Variants in RBBP8 observed in about 807,000 individuals in gnomAD.
RBBP8 encodes RB binding protein 8, endonuclease, also known as DNA endonuclease RBBP8.
RBBP8 carries 88 observed loss-of-function variants against 108.3 expected under a neutral mutation model. The ratio of observed to expected loss-of-function variants is 0.81; its 90% CI spans 0.68 to 0.97. The LOEUF is 0.97. Among genes scored for constraint, RBBP8 ranks in the 50% least tolerant of loss-of-function variants. The pLI, the probability that RBBP8 is intolerant of heterozygous loss-of-function variation, is 0.00. For synonymous variants in RBBP8, 332 were observed against 348.2 expected (o/e 0.95, Z 0.52); for missense variants, 1,023 against 1,049.0 (o/e 0.98, Z 0.34).
intron 12 of RBBP8, among the ~76,000 whole-genome samples, chr18:22,996,045 C>CT (rs1330415529): frequency 8.5e-5 from 13 of 152,188 alleles, no homozygotes; most frequent in African/African-American, 2.7e-4. Context: ...CTCACTAGCA[C>CT]TTGTTATAGC....
chr18:22,967,880 C>G (rs1207224885), intron 4 of RBBP8, among the ~76,000 whole-genome samples: 1 of 152,040 alleles, frequency 6.6e-6, no homozygotes. Flanking sequence ...ATCTCCTGAC[C>G]TTGTGTTCCG....
At position 22,977,910 on chromosome 18, in the gene RBBP8, CTGTGGCATTAAATATCCTCTGTTCATTCA is replaced by C. The variant is rs1292093555; in HGVS notation, c.428+2702_428+2730del. The C allele has an allele frequency of 4.6e-5, 7 of 152,136 alleles. No individual in the cohort carries two copies. The East Asian group carries it at 1.3e-3, about 29-fold the overall frequency. The allele number at this position is 152,136 out of a possible 1,614,324, so 9.4% of individuals were successfully genotyped here. A position where few individuals can be genotyped will look rare whatever the true frequency, so the allele number is the denominator to read the frequency against. On this transcript the variant is annotated intron_variant, in intron 6 of 18. Coordinates refer to ENST00000327155, the MANE Select transcript of RBBP8 (RefSeq NM_002894.3). The stretch of plus-strand genomic sequence containing the variant: ...AGAGTAAATATCCTCTGTTCATTAA[CTGTGGCATTAAATATCCTCTGTTCATTCA>C]TGTGGCATTACTTCAACTCTTCAAA...
chr18:22,925,985 G>T (rs1170717121), intron 3 of RBBP8, among the ~76,000 whole-genome samples: 1 of 152,108 alleles, frequency 6.6e-6, no homozygotes, highest in Admixed American at 6.6e-5. Context: ...AAGTGCCAGG[G>T]TTAGAAAAAA....
chr18:22,940,354 T>C (rs1185904917), intron 2 of RBBP8, among the ~76,000 whole-genome samples: 2 of 150,756 alleles, frequency 1.3e-5, no homozygotes, highest in African/African-American at 4.9e-5. Context: ...AGAGTCTTGC[T>C]CTGTAGCCCA....
At chr18:23,003,282 A>G (rs1036839304) in intron 15 of RBBP8, among the ~76,000 whole-genome samples, 11 of 152,312 alleles carry the variant, frequency 7.2e-5, no homozygotes, top group Admixed American at 2.0e-4. Context: ...CGTAATGTCT[A>G]AGCCAATTTC....
rs143772917 is a variant in RBBP8, at chr18:22,977,414, A to C, written c.428+2195A>C. On this transcript the variant is annotated intron_variant, in intron 6 of 18. Coordinates refer to ENST00000327155, the MANE Select transcript of RBBP8 (RefSeq NM_002894.3). Reference sequence around the variant, plus strand: ...GATGTTACAAGATGGCTTATATGATAGGGCAGTTATTAGTGACACCAAAAT... The same window carrying C: ...GATGTTACAAGATGGCTTATATGATCGGGCAGTTATTAGTGACACCAAAAT... Among the ~76,000 whole-genome samples, 453 of 152,144 alleles carry C rather than the reference A, an allele frequency of 3.0e-3. 1 individual carries two copies. The highest frequency in any genetic ancestry group is 0.011 in the African/African-American group (439 of 41,534).
At chr18:23,002,089 T>C (rs1394735152) in intron 15 of RBBP8, among the ~76,000 whole-genome samples, 1 of 152,178 alleles carries the variant, frequency 6.6e-6, no homozygotes, top group African/African-American at 2.4e-5. Flanking sequence ...TTAAATTAAT[T>C]GTAATAGAGT....
At chr18:22,944,627 T>C (rs1911393135) in intron 2 of RBBP8, among the ~76,000 whole-genome samples, 2 of 152,194 alleles carry the variant, frequency 1.3e-5, no homozygotes, top group South Asian at 4.1e-4. Context: ...ATCTGTAACA[T>C]TTTTTTCACC....
intron 16 of RBBP8, among the ~76,000 whole-genome samples, chr18:23,012,240 G>C (rs2046181450): frequency 7.8e-6 from 1 of 128,782 alleles, no homozygotes; most frequent in African/African-American, 3.0e-5. Context: ...AACCAACTAT[G>C]ATGCCCTTTA....
At chr18:22,960,122 T>C (rs1304794964) in intron 4 of RBBP8, among the ~76,000 whole-genome samples, 2 of 152,112 alleles carry the variant, frequency 1.3e-5, no homozygotes, top group Non-Finnish European at 2.9e-5. Flanking sequence ...CTCAACCTCC[T>C]GACCTTGTGA....
intron 17 of RBBP8, among the ~76,000 whole-genome samples, chr18:23,021,437 A>G (rs1386115939): frequency 6.6e-6 from 1 of 152,216 alleles, no homozygotes. Context: ...TGATTCTGTC[A>G]TCTATGTTCT....
Position 22,936,746 on chromosome 18 carries a change from C to T in RBBP8, c.-98-8C>T. 2.4e-6 allele frequency: 3 copies of T among 1,253,748 alleles called. No homozygotes were observed. The highest frequency in any genetic ancestry group is 1.2e-5 in the South Asian group (1 of 81,960). The allele number at this position is 1,253,748 out of a possible 1,614,324, so 77.7% of individuals were successfully genotyped here. A position where few individuals can be genotyped will look rare whatever the true frequency, so the allele number is the denominator to read the frequency against. ...AAAGTTCATTTATGTTGCAATCTGTCATTTCAGGTATTTGACCTGTCCAAA... is the reference window on the plus strand; with the variant it reads ...AAAGTTCATTTATGTTGCAATCTGTTATTTCAGGTATTTGACCTGTCCAAA... On this transcript the variant is annotated splice_polypyrimidine_tract_variant and splice_region_variant and intron_variant, in intron 1 of 18. Coordinates refer to ENST00000327155, the MANE Select transcript of RBBP8 (RefSeq NM_002894.3).
intron 3 of RBBP8, among the ~76,000 whole-genome samples, chr18:22,925,631 T>A (rs922576912): frequency 6.6e-6 from 1 of 152,244 alleles, no homozygotes; most frequent in East Asian, 1.9e-4. Context: ...GTGTTTAAGA[T>A]GCGATGATTT....
intron 2 of RBBP8, among the ~76,000 whole-genome samples, chr18:22,945,770 T>G (rs1210591052): frequency 1.3e-5 from 2 of 152,248 alleles, no homozygotes; most frequent in Admixed American, 1.3e-4. Context: ...ATTTAGTTGC[T>G]GATGATGTAT....
chr18:23,020,507 T>C (rs1283087474), intron 17 of RBBP8, among the ~76,000 whole-genome samples: 1 of 152,146 alleles, frequency 6.6e-6, no homozygotes, highest in Non-Finnish European at 1.5e-5. Context: ...GTACATACAG[T>C]TCCCATGTAC....
At chr18:22,919,040 AGAGT>A (rs769792030) in intron 3 of RBBP8, among the ~76,000 whole-genome samples, 1 of 152,242 alleles carries the variant, frequency 6.6e-6, no homozygotes, top group Non-Finnish European at 1.5e-5. Context: ...AATGATGAGC[AGAGT>A]GAGTCCAAAA....
intron 10 of RBBP8, among the ~76,000 whole-genome samples, chr18:22,992,503 AT>A (rs1215395523): frequency 2.6e-5 from 4 of 152,152 alleles, no homozygotes; most frequent in Non-Finnish European, 5.9e-5. Context: ...GCAAAAGATG[AT>A]TTTTTGTATA....
rs774001594 is a variant in RBBP8 at position 23,016,892 on chromosome 18, CTGCT to C, written c.2425_2428del (p.Leu809GlyfsTer91). On this transcript the variant is annotated frameshift_variant, in exon 17 of 19. Coordinates refer to ENST00000327155, the MANE Select transcript of RBBP8 (RefSeq NM_002894.3). LOFTEE classifies it high-confidence loss of function. ...TCGGAAAAAAGAGGAGAGAAGAAAA[CTGCT>C]TGGGCACACGTGTAAGGAATGTGAA... 17 of 1,613,774 alleles carry C rather than the reference CTGCT, an allele frequency of 1.1e-5. No homozygotes were observed. The highest frequency in any genetic ancestry group is 1.4e-5 in the Non-Finnish European group (17 of 1,179,864).
intron 4 of RBBP8, among the ~76,000 whole-genome samples, chr18:22,959,431 T>G (rs1269909781): frequency 6.6e-6 from 1 of 152,004 alleles, no homozygotes; most frequent in Non-Finnish European, 1.5e-5. Context: ...GTGTGTGTGT[T>G]TCCTTCATTG....
Sources: gnomAD v4.1 joint callset for allele counts (sites outside exome capture counted in the v4.1 genomes callset) on GRCh38, gnomAD v4.1.1 for gene constraint, MANE v1.5 for transcripts, NCBI Gene and HGNC (gene_info 2026-07-23, HGNC 2026-07-21) for gene names.